The following CSMD1 variants were observed in gnomAD, a reference collection of about 807,000 sequenced individuals.
CSMD1 encodes CUB and Sushi multiple domains 1, also known as CUB and sushi domain-containing protein 1.
A neutral mutation model predicts 417.5 loss-of-function variants in CSMD1; 213 were observed. That is an observed-to-expected ratio of 0.51 (90% CI 0.46 to 0.57). CSMD1 has a LOEUF of 0.57. Among genes scored for constraint, CSMD1 ranks in the 20% least tolerant of loss-of-function variants. CSMD1 has a pLI of 0.00. For missense variants in CSMD1, 6,923 were observed against 4,529.7 expected (o/e 1.53, Z -15.17); for synonymous variants, 2,862 against 1,736.8 (o/e 1.65, Z -16.11).
intron 12 of CSMD1, among the ~76,000 whole-genome samples, chr8:3,436,906 C>A (rs1358186483): frequency 1.3e-5 from 2 of 151,938 alleles, no homozygotes; most frequent in African/African-American, 2.4e-5. Context: ...ATTTTCTCAG[C>A]CACTTTATGT....
chr8:3,335,616 C>A (rs950934979), intron 23 of CSMD1, among the ~76,000 whole-genome samples: 3 of 152,116 alleles, frequency 2.0e-5, no homozygotes, highest in African/African-American at 7.2e-5. Flanking sequence ...GGTGGAAGTG[C>A]AATGAGTCGA....
chr8:4,255,093 C>A (rs1290724085), intron 3 of CSMD1, among the ~76,000 whole-genome samples: 1 of 152,104 alleles, frequency 6.6e-6, no homozygotes, highest in Non-Finnish European at 1.5e-5. Flanking sequence ...ATGGTTTAAC[C>A]CCTCGGTCTC....
intron 10 of CSMD1, among the ~76,000 whole-genome samples, chr8:3,518,945 G>T (rs887515630): frequency 2.6e-5 from 4 of 152,030 alleles, no homozygotes; most frequent in African/African-American, 9.7e-5. Context: ...CCTTTTATTT[G>T]GTTTCAACAC....
intron 36 of CSMD1, among the ~76,000 whole-genome samples, chr8:3,181,915 A>T (rs1821354593): frequency 6.6e-6 from 1 of 152,212 alleles, no homozygotes; most frequent in Admixed American, 6.5e-5. Context: ...CATCACTCAG[A>T]AGTTTGAGAC....
intron 4 of CSMD1, among the ~76,000 whole-genome samples, chr8:4,004,113 T>G (rs1280543319): frequency 1.3e-5 from 2 of 152,114 alleles, no homozygotes; most frequent in Non-Finnish European, 2.9e-5. Flanking sequence ...TTAAGCTGTA[T>G]ACATATGTAT....
intron 29 of CSMD1, among the ~76,000 whole-genome samples, chr8:3,215,202 G>C (rs1418269412): frequency 6.6e-6 from 1 of 152,124 alleles, no homozygotes; most frequent in East Asian, 1.9e-4. Context: ...AATAACAACA[G>C]ACAGACTTAG....
chr8:3,406,405 G>A (rs1390424143), intron 14 of CSMD1, among the ~76,000 whole-genome samples, 184 bp from the exon 15 acceptor site: 1 of 152,168 alleles, frequency 6.6e-6, no homozygotes, highest in African/African-American at 2.4e-5. Context: ...TGTCTAGTGA[G>A]AAAGAGCGAG....
intron 23 of CSMD1, among the ~76,000 whole-genome samples, chr8:3,326,833 CCT>C (rs1806561496): frequency 6.6e-6 from 1 of 151,912 alleles, no homozygotes; most frequent in Admixed American, 6.6e-5. Context: ...TGTAAAAATG[CCT>C]TTTCAGGATT....
intron 69 of CSMD1, among the ~76,000 whole-genome samples, chr8:2,940,446 T>C (rs1169272530): frequency 6.6e-6 from 1 of 152,188 alleles, no homozygotes; most frequent in Non-Finnish European, 1.5e-5. Context: ...AGTCCAGTTG[T>C]GATGACGACA....
chr8:4,264,216 T>C (rs547469324), intron 3 of CSMD1, among the ~76,000 whole-genome samples: 4 of 151,950 alleles, frequency 2.6e-5, no homozygotes, highest in Non-Finnish European at 5.9e-5. Context: ...TGACTACAAT[T>C]AATTATTAGA....
At chr8:4,145,797 T>G (rs1377055951) in intron 3 of CSMD1, among the ~76,000 whole-genome samples, 1 of 151,118 alleles carries the variant, frequency 6.6e-6, no homozygotes, top group Admixed American at 6.6e-5. Context: ...GAAGAGTTTT[T>G]CTGTATGAGG....
intron 5 of CSMD1, among the ~76,000 whole-genome samples, chr8:3,756,926 G>A (rs1458241387): frequency 6.6e-6 from 1 of 152,076 alleles, no homozygotes; most frequent in African/African-American, 2.4e-5. Context: ...CTCTGGAGTA[G>A]CTAGAGCTAT....
chr8:3,990,980 G>A (rs536268291), intron 5 of CSMD1, among the ~76,000 whole-genome samples: 1 of 152,156 alleles, frequency 6.6e-6, no homozygotes, highest in African/African-American at 2.4e-5. Context: ...GAGAGAAAAT[G>A]TGTCTTGCAA....
intron 26 of CSMD1, chr8:3,278,956 T>G (rs908794589): frequency 1.3e-5 from 2 of 152,222 alleles, no homozygotes; most frequent in Non-Finnish European, 2.9e-5. Context: ...TGAGGGGTTA[T>G]AGGAACCTTC....
intron 4 of CSMD1, among the ~76,000 whole-genome samples, chr8:4,015,124 A>G (rs1252189064): frequency 6.6e-6 from 1 of 152,194 alleles, no homozygotes; most frequent in East Asian, 1.9e-4. Flanking sequence ...CAAATTGTCT[A>G]AAACTACTCA....
At chr8:3,641,906 C>T (rs1274818235) in intron 7 of CSMD1, among the ~76,000 whole-genome samples, 1 of 152,182 alleles carries the variant, frequency 6.6e-6, no homozygotes. Flanking sequence ...TGTGTGGAAA[C>T]TAATTCTGAT....
intron 3 of CSMD1, among the ~76,000 whole-genome samples, chr8:4,315,500 G>A (rs867994866): frequency 3.6e-4 from 55 of 152,248 alleles, no homozygotes; most frequent in Middle Eastern, 3.4e-3. Flanking sequence ...TAAATAAAAA[G>A]TGAACCAATA....
intron 1 of CSMD1, among the ~76,000 whole-genome samples, chr8:4,841,806 G>C (rs925080557): frequency 2.7e-5 from 4 of 150,368 alleles, no homozygotes; most frequent in Non-Finnish European, 5.9e-5. Flanking sequence ...AGCTACTCGG[G>C]AGGCTGAGGC....
chr8:4,354,207 A>G (rs562485864), intron 3 of CSMD1, among the ~76,000 whole-genome samples: 1 of 152,184 alleles, frequency 6.6e-6, no homozygotes, highest in Non-Finnish European at 1.5e-5. Flanking sequence ...TTCAGAGATT[A>G]CCACCCTGAG....
Sources: allele counts gnomAD v4.1 joint callset (sites outside exome capture counted in the v4.1 genomes callset), GRCh38; gene constraint gnomAD v4.1.1; transcripts MANE v1.5; gene names NCBI Gene and HGNC (gene_info 2026-07-23, HGNC 2026-07-21).